Variants in SEMA5A observed in about 807,000 individuals in gnomAD.
The protein encoded by SEMA5A is semaphorin 5A.
In SEMA5A, 55 loss-of-function variants were observed where a neutral mutation model predicts 135.5. The ratio of observed to expected loss-of-function variants is 0.41; its 90% CI spans 0.33 to 0.51. The LOEUF is 0.51. SEMA5A is among the 20% of genes least tolerant of loss of function. The pLI, the probability that SEMA5A is intolerant of heterozygous loss-of-function variation, is 0.37. For synonymous variants in SEMA5A, 580 were observed against 546.5 expected (o/e 1.06, Z -0.85); for missense variants, 1,290 against 1,419.9 (o/e 0.91, Z 1.47).
intron 5 of SEMA5A, among the ~76,000 whole-genome samples, chr5:9,275,100 A>G (rs1750186231): frequency 6.6e-6 from 1 of 152,126 alleles, no homozygotes; most frequent in South Asian, 2.1e-4. Context: ...CTAATAAAGA[A>G]AAAAAGAGAG....
chr5:9,449,759 T>C (rs968694093), intron 1 of SEMA5A, among the ~76,000 whole-genome samples: 3 of 152,090 alleles, frequency 2.0e-5, no homozygotes, highest in Non-Finnish European at 2.9e-5. Flanking sequence ...CTCACCCAGA[T>C]CTAGAAGATA....
chr5:9,444,630 G>T (rs138379429), intron 1 of SEMA5A, among the ~76,000 whole-genome samples: 3 of 152,114 alleles, frequency 2.0e-5, no homozygotes, highest in African/African-American at 7.2e-5. Flanking sequence ...TTGCAATTGC[G>T]AACTGTGATC....
intron 2 of SEMA5A, among the ~76,000 whole-genome samples, chr5:9,403,955 G>A (rs1462139516): frequency 6.6e-6 from 1 of 152,084 alleles, no homozygotes; most frequent in Non-Finnish European, 1.5e-5. Flanking sequence ...TGTTTTTTGA[G>A]ATGAAGTCTC....
At chr5:9,463,420 T>C (rs1314800355) in intron 1 of SEMA5A, among the ~76,000 whole-genome samples, 1 of 152,176 alleles carries the variant, frequency 6.6e-6, no homozygotes. Flanking sequence ...TCATGAACAA[T>C]TAAGTATTAT....
intron 3 of SEMA5A, among the ~76,000 whole-genome samples, chr5:9,356,242 A>G (rs535967778): frequency 6.6e-6 from 1 of 152,268 alleles, no homozygotes; most frequent in African/African-American, 2.4e-5. Context: ...TTGTGAACAT[A>G]ATTTGTTCTG....
intron 5 of SEMA5A, among the ~76,000 whole-genome samples, chr5:9,311,451 G>T (rs1416842049): frequency 6.6e-6 from 1 of 151,994 alleles, no homozygotes; most frequent in African/African-American, 2.4e-5. Flanking sequence ...TAGGGACATG[G>T]ATGAAATTGG....
intron 1 of SEMA5A, among the ~76,000 whole-genome samples, chr5:9,488,385 A>G (rs1278712316): frequency 1.3e-5 from 2 of 152,226 alleles, no homozygotes; most frequent in Admixed American, 6.5e-5. Context: ...AGAGACACTT[A>G]TAAGATGACT....
chr5:9,325,445 A>T (rs1198507763), intron 4 of SEMA5A, among the ~76,000 whole-genome samples: 2 of 152,192 alleles, frequency 1.3e-5, no homozygotes, highest in African/African-American at 4.8e-5. Flanking sequence ...TAGACACCTG[A>T]GTGCGTTTTC....
At chr5:9,298,908 C>T (rs965511557) in intron 5 of SEMA5A, among the ~76,000 whole-genome samples, 1 of 152,176 alleles carries the variant, frequency 6.6e-6, no homozygotes, top group Admixed American at 6.5e-5. Context: ...ACTCTCACAG[C>T]CTTCAGCTCT....
chr5:9,083,145 C>G (rs1374149995), intron 16 of SEMA5A, among the ~76,000 whole-genome samples: 1 of 152,184 alleles, frequency 6.6e-6, no homozygotes, highest in Non-Finnish European at 1.5e-5. Flanking sequence ...GTCAACGTCC[C>G]TGTGACATTT....
At chr5:9,300,267 A>G (rs569224355) in intron 5 of SEMA5A, among the ~76,000 whole-genome samples, 5 of 152,252 alleles carry the variant, frequency 3.3e-5, no homozygotes, top group African/African-American at 1.2e-4. Context: ...GGTTCAAGTG[A>G]TCCACCCGTC....
chr5:9,531,473 T>G (rs753558622), intron 1 of SEMA5A, among the ~76,000 whole-genome samples: 2 of 152,184 alleles, frequency 1.3e-5, no homozygotes, highest in Non-Finnish European at 2.9e-5. Flanking sequence ...TGAAGCTTCC[T>G]TCAGCCCCAG....
chr5:9,519,087 G>C (rs938898111), intron 1 of SEMA5A, among the ~76,000 whole-genome samples: 3 of 152,150 alleles, frequency 2.0e-5, no homozygotes, highest in African/African-American at 7.2e-5. Context: ...GTCTCATTTT[G>C]TGTGTTTGTG....
At chr5:9,412,266 C>G (rs2126606606) in intron 2 of SEMA5A, among the ~76,000 whole-genome samples, 1 of 151,796 alleles carries the variant, frequency 6.6e-6, no homozygotes, top group Admixed American at 6.6e-5. Context: ...TTCCTTTCTA[C>G]CTCCCCCTTC....
chr5:9,381,698 T>G (rs1755616399), intron 2 of SEMA5A, among the ~76,000 whole-genome samples: 1 of 152,128 alleles, frequency 6.6e-6, no homozygotes, highest in African/African-American at 2.4e-5. Context: ...CATTGAGTAA[T>G]TTCAGTAGAT....
chr5:9,053,925 T>C (rs751858341), intron 19 of SEMA5A, 162 bp downstream of exon 19: 2 of 683,936 alleles, frequency 2.9e-6, no homozygotes, highest in Non-Finnish European at 4.7e-6. Flanking sequence ...TTATTATAGA[T>C]GCTATGTTTT....
At chr5:9,183,699 G>A (rs1021997650) in intron 11 of SEMA5A, among the ~76,000 whole-genome samples, 3 of 152,152 alleles carry the variant, frequency 2.0e-5, no homozygotes, top group African/African-American at 4.8e-5. Context: ...CTTGGCTCAC[G>A]TGACACCTTA....
chr5:9,134,006 GAGT>G (rs1741588067), intron 13 of SEMA5A, among the ~76,000 whole-genome samples: 2 of 152,066 alleles, frequency 1.3e-5, no homozygotes, highest in African/African-American at 4.8e-5. Context: ...GTTTAAAAGT[GAGT>G]TTCTCCTGAA....
chr5:9,474,877 C>T (rs781488063), intron 1 of SEMA5A, among the ~76,000 whole-genome samples: 9 of 152,178 alleles, frequency 5.9e-5, no homozygotes, highest in Non-Finnish European at 1.0e-4. Flanking sequence ...GCCTCTGGGA[C>T]TTCACGTGTT....
Sources: allele counts gnomAD v4.1 joint callset (sites outside exome capture counted in the v4.1 genomes callset), GRCh38; gene constraint gnomAD v4.1.1; transcripts MANE v1.5; gene names NCBI Gene and HGNC (gene_info 2026-07-23, HGNC 2026-07-21).